The following GNB4 variants were observed in gnomAD, a reference collection of about 807,000 sequenced individuals.
GNB4 encodes G protein subunit beta 4.
GNB4 carries 28 observed loss-of-function variants against 45.2 expected under a neutral mutation model. That is an observed-to-expected ratio of 0.62 (90% CI 0.46 to 0.85). GNB4 has a LOEUF of 0.85. GNB4 is among the 40% of genes least tolerant of loss of function. The probability of loss-of-function intolerance (pLI) is 0.00; values close to 1 mark genes in which losing one functional copy is unlikely to be tolerated. For synonymous variants in GNB4, 132 were observed against 143.7 expected, an observed-to-expected ratio of 0.92 and a Z score of 0.58; for missense variants, 321 against 425.4, an observed-to-expected ratio of 0.75 and a Z score of 2.16.
chr3:179,493,156 A>C, the GNB4 span, among the ~76,000 whole-genome samples: 5 of 152,334 alleles, frequency 3.3e-5, no homozygotes, highest in African/African-American at 1.2e-4. Flanking sequence ...ACAAGGCCTC[A>C]AGAAACTCAA....
chr3:179,399,879 AAG>A lies in GNB4; in HGVS notation c.*1332_*1333del, dbSNP rs1195759732. ...ATCAGTCATTTAGACTTATTTGTAA[AAG>A]AGAATCCAACAGGAAAAGTATCTTT... On this transcript the variant is annotated 3_prime_UTR_variant, in exon 10 of 10. Coordinates refer to ENST00000232564, the MANE Select transcript of GNB4 (RefSeq NM_021629.4). 6.6e-6 allele frequency: 1 copy of A among 152,260 alleles called. No homozygotes were observed. Among genetic ancestry groups the A allele is most frequent in the Non-Finnish European group, 1.5e-5 (1 of 68,046 alleles). 9.4% of individuals were successfully genotyped at this position (152,260 alleles called of 1,614,324 possible). A position where few individuals can be genotyped will look rare whatever the true frequency, so the allele number is the denominator to read the frequency against.
the GNB4 span, among the ~76,000 whole-genome samples, chr3:179,497,118 C>T: frequency 8.5e-5 from 13 of 152,076 alleles, no homozygotes; most frequent in Admixed American, 1.3e-4. Context: ...TACAAGGCTA[C>T]AGTAATCAAA....
chr3:179,418,470 C>CAAAAAAAAAAAAAAAA (rs386356535), intron 4 of GNB4, among the ~76,000 whole-genome samples: 4 of 95,386 alleles, frequency 4.2e-5, no homozygotes, highest in Non-Finnish European at 6.3e-5. Context: ...AACTCTGTCT[C>CAAAAAAAAAAAAAAAA]AAAAAAAAAA....
chr3:179,455,452 T>G (rs548144284), upstream of GNB4, among the ~76,000 whole-genome samples: 5 of 152,316 alleles, frequency 3.3e-5, no homozygotes, highest in African/African-American at 7.2e-5. Context: ...CTGTCTTAAT[T>G]ATATAAAATG....
chr3:179,439,549 A>AAGGTC (rs1715544981), intron 1 of GNB4, among the ~76,000 whole-genome samples: 2 of 152,174 alleles, frequency 1.3e-5, no homozygotes, highest in African/African-American at 4.8e-5. Flanking sequence ...AGTTCTGTTG[A>AAGGTC]AGGTCACCAA....
At chr3:179,489,075 A>T in the GNB4 span, among the ~76,000 whole-genome samples, 7 of 127,066 alleles carry the variant, frequency 5.5e-5, no homozygotes, top group Non-Finnish European at 9.7e-5. Flanking sequence ...AACTACCTCT[A>T]TTTTAATTTG....
At chr3:179,419,561 C>G in intron 3 of GNB4, 56 bp from the exon 4 acceptor site, 1 of 1,067,250 alleles carries the variant, frequency 9.4e-7, no homozygotes, top group Non-Finnish European at 1.5e-6. Flanking sequence ...CATGAGATAA[C>G]TTGAACTAGA....
the GNB4 span, chr3:179,464,767 G>A: frequency 1.6e-6 from 2 of 1,277,378 alleles, no homozygotes; most frequent in Non-Finnish European, 2.3e-6. Context: ...ATATTGATGA[G>A]AGAAGGATCT....
At chr3:179,470,533 T>A in the GNB4 span, among the ~76,000 whole-genome samples, 46 of 149,958 alleles carry the variant, frequency 3.1e-4, no homozygotes, top group African/African-American at 1.1e-3. Context: ...ATATATATAT[T>A]AAAGAAAAAA....
chr3:179,518,536 C>A, the GNB4 span, among the ~76,000 whole-genome samples: 1 of 152,084 alleles, frequency 6.6e-6, no homozygotes, highest in East Asian at 1.9e-4. Flanking sequence ...CCAGGCCAAG[C>A]TAGGTCTCAA....
chr3:179,524,148 G>A, the GNB4 span, among the ~76,000 whole-genome samples: 1 of 152,192 alleles, frequency 6.6e-6, no homozygotes, highest in Non-Finnish European at 1.5e-5. Flanking sequence ...CAAAGTATCT[G>A]TGATGGTCCA....
At chr3:179,442,189 C>T (rs61246771) in intron 1 of GNB4, among the ~76,000 whole-genome samples, 4,422 of 152,216 alleles carry the variant, frequency 0.029, 182 homozygotes, top group African/African-American at 0.091. Context: ...TAAAGTATTA[C>T]GTCATTGAAA....
At chr3:179,413,265 CA>C in intron 8 of GNB4, 146 bp downstream of exon 8, 2 of 641,416 alleles carry the variant, frequency 3.1e-6, no homozygotes, top group Non-Finnish European at 2.7e-6. Flanking sequence ...TTTAAAAAAT[CA>C]AAAACCCTTA....
chr3:179,432,574 C>G (rs969418504), intron 1 of GNB4, among the ~76,000 whole-genome samples: 4 of 152,082 alleles, frequency 2.6e-5, no homozygotes, highest in African/African-American at 9.7e-5. Flanking sequence ...TATGGCAAGT[C>G]CTAGTAAATA....
intron 5 of GNB4, among the ~76,000 whole-genome samples, chr3:179,415,716 A>G (rs1714779733): frequency 2.0e-5 from 3 of 152,194 alleles, no homozygotes; most frequent in Admixed American, 2.0e-4. Flanking sequence ...CTATGCTCTC[A>G]CTTAACCTAA....
chr3:179,413,271 C>T (rs538627878), intron 8 of GNB4, 141 bp downstream of exon 8: 755 of 656,980 alleles, frequency 1.1e-3, no homozygotes, highest in Middle Eastern at 2.4e-3. Flanking sequence ...AAATCAAAAA[C>T]CCTTATGACT....
At chr3:179,464,445 A>AGGG in the GNB4 span, 1 of 1,572,306 alleles carries the variant, frequency 6.4e-7, no homozygotes, top group East Asian at 2.2e-5. Context: ...CACGGCAGTT[A>AGGG]CAGATGAAGC....
At chr3:179,411,548 A>T (rs2108587195) in intron 8 of GNB4, among the ~76,000 whole-genome samples, 1 of 152,114 alleles carries the variant, frequency 6.6e-6, no homozygotes, top group South Asian at 2.1e-4. Flanking sequence ...ATCTCAACAG[A>T]CGGACAAAAA....
At chr3:179,471,378 A>G in the GNB4 span, among the ~76,000 whole-genome samples, 1 of 152,176 alleles carries the variant, frequency 6.6e-6, no homozygotes, top group East Asian at 1.9e-4. Flanking sequence ...CGCAAGCCCC[A>G]TTCATGGTAA....
Sources: gnomAD v4.1 joint callset for allele counts (sites outside exome capture counted in the v4.1 genomes callset) on GRCh38, gnomAD v4.1.1 for gene constraint, MANE v1.5 for transcripts, NCBI Gene and HGNC (gene_info 2026-07-23, HGNC 2026-07-21) for gene names.